TLR6: variants seen among roughly 807,000 people sequenced by gnomAD.
TLR6 encodes the protein toll-like receptor 6.
In TLR6, 9 loss-of-function variants were observed where a neutral mutation model predicts 16.1. That is an observed-to-expected ratio of 0.56 (90% CI 0.34 to 0.98). TLR6 has a LOEUF of 0.98. Ranked by LOEUF, TLR6 falls within the 50% of genes least tolerant of loss-of-function variation. The pLI, the probability that TLR6 is intolerant of heterozygous loss-of-function variation, is 0.02. For synonymous variants in TLR6, 340 were observed against 338.6 expected (o/e 1.00, Z -0.04); for missense variants, 786 against 921.0 (o/e 0.85, Z 1.90).
chr4:38,839,861 T>A (rs973727132), intron 1 of TLR6, among the ~76,000 whole-genome samples: 8 of 152,246 alleles, frequency 5.3e-5, no homozygotes, highest in African/African-American at 1.9e-4. Flanking sequence ...GAATGTTTAG[T>A]TGAGCCTGAG....
intron 1 of TLR6, among the ~76,000 whole-genome samples, chr4:38,855,969 C>G (rs968282342): frequency 4.0e-5 from 6 of 151,334 alleles, no homozygotes; most frequent in African/African-American, 1.2e-4. Context: ...GTAGACAAGA[C>G]CTATGAAAAT....
At chr4:38,845,462 A>G (rs995983759) in intron 1 of TLR6, among the ~76,000 whole-genome samples, 50 of 152,274 alleles carry the variant, frequency 3.3e-4, no homozygotes, top group Admixed American at 3.2e-3. Context: ...GGGTGGCCCC[A>G]GTATAATCAC....
chr4:38,833,852 T>C (rs1159477965), intron 1 of TLR6, among the ~76,000 whole-genome samples: 1 of 151,854 alleles, frequency 6.6e-6, no homozygotes, highest in Non-Finnish European at 1.5e-5. Flanking sequence ...GAAATAGATA[T>C]TAAAAATAGA....
At chr4:38,826,909 T>C (rs1483310040) in exon 2 of TLR6, 1 of 558,666 alleles carries the variant, frequency 1.8e-6, no homozygotes, top group African/African-American at 1.9e-5. Context: ...TGTCTCTAAC[T>C]GGCAGGCTAA....
chr4:38,828,972 G>A (rs1348160223), exon 2 of TLR6: 2 of 1,613,526 alleles, frequency 1.2e-6, no homozygotes, highest in Non-Finnish European at 1.7e-6. Flanking sequence ...AGATGCAAGT[G>A]AGCAATTGGC....
rs1579263365 is a variant in TLR6 at position 38,856,157 on chromosome 4, G to T, written c.-65+604C>A. Among the ~76,000 whole-genome samples the T allele has an allele frequency of 3.3e-5, 5 of 151,728 alleles. No homozygotes were observed. The South Asian group carries it at 1.0e-3, about 32-fold the overall frequency. On this transcript the variant is annotated intron_variant, in intron 1 of 1. Coordinates refer to ENST00000436693, the Ensembl canonical transcript of TLR6. ...GTGCCAGATTCAAGCTTGTGAAGGGGCTTGGTCCCGGCCACTTCCTCCATT... is the reference window on the plus strand; with the variant it reads ...GTGCCAGATTCAAGCTTGTGAAGGGTCTTGGTCCCGGCCACTTCCTCCATT...
At chr4:38,844,295 C>T (rs1038467216) in intron 1 of TLR6, among the ~76,000 whole-genome samples, 2 of 152,148 alleles carry the variant, frequency 1.3e-5, no homozygotes, top group African/African-American at 4.8e-5. Context: ...ATATATCGGT[C>T]AAAGTACTAG....
At chr4:38,858,819 GA>G (rs1713111432), upstream of TLR6, among the ~76,000 whole-genome samples, 1 of 108,798 alleles carries the variant, frequency 9.2e-6, no homozygotes, top group African/African-American at 4.0e-5. Context: ...GAGAGGGAGA[GA>G]GAGAGAGAGA....
exon 2 of TLR6, chr4:38,824,097 T>G (rs6852012): frequency 1.0e-4 from 11 of 106,186 alleles, no homozygotes; most frequent in Admixed American, 9.6e-4. Flanking sequence ...CGCCCCCCCC[T>G]GCCTGGGCTT....
At chr4:38,826,873 A>C (rs990541851) in exon 2 of TLR6, 4 of 447,366 alleles carry the variant, frequency 8.9e-6, no homozygotes, top group Middle Eastern at 1.2e-3. Flanking sequence ...TTTGAAACAT[A>C]ATGATTAAAC....
chr4:38,853,228 C>T (rs146190243), intron 1 of TLR6, among the ~76,000 whole-genome samples: 26,025 of 102,704 alleles, frequency 0.25, 3,304 homozygotes, highest in Non-Finnish European at 0.3. Flanking sequence ...TGGGGCCTGT[C>T]GTGGGGTGGG....
At chr4:38,837,982 G>A (rs550067788) in intron 1 of TLR6, among the ~76,000 whole-genome samples, 57 of 152,162 alleles carry the variant, frequency 3.7e-4, no homozygotes, top group African/African-American at 1.3e-3. Flanking sequence ...ATGGCCAAGA[G>A]TTATATGAAA....
chr4:38,848,769 T>C (rs1020491325), intron 1 of TLR6, among the ~76,000 whole-genome samples: 3 of 152,140 alleles, frequency 2.0e-5, no homozygotes, highest in Non-Finnish European at 4.4e-5. Context: ...CCAAGAAATA[T>C]GGGACTATGT....
chr4:38,848,158 T>C (rs1032248152), intron 1 of TLR6, among the ~76,000 whole-genome samples: 1 of 152,254 alleles, frequency 6.6e-6, no homozygotes, highest in Non-Finnish European at 1.5e-5. Flanking sequence ...CCGCTGCTGA[T>C]ACCCAGTCAA....
chr4:38,823,339 G>T (rs574146597), downstream of TLR6, among the ~76,000 whole-genome samples: 1 of 152,312 alleles, frequency 6.6e-6, no homozygotes, highest in East Asian at 1.9e-4. Context: ...CATAAGCCTA[G>T]GTGTGTAGTA....
At chr4:38,845,003 G>A (rs1479846607) in intron 1 of TLR6, among the ~76,000 whole-genome samples, 1 of 152,196 alleles carries the variant, frequency 6.6e-6, no homozygotes, top group African/African-American at 2.4e-5. Flanking sequence ...AGGTTGCAGT[G>A]AGCTAAGATT....
At chr4:38,853,918 T>C (rs959531876) in intron 1 of TLR6, among the ~76,000 whole-genome samples, 3 of 152,208 alleles carry the variant, frequency 2.0e-5, no homozygotes, top group Admixed American at 6.5e-5. Context: ...TTTCACTATA[T>C]GTGACAAAAA....
chr4:38,860,670 G>A (rs760038898), upstream of TLR6, among the ~76,000 whole-genome samples: 6 of 152,042 alleles, frequency 3.9e-5, no homozygotes, highest in African/African-American at 9.7e-5. Flanking sequence ...ACCCCAATGC[G>A]GGGAAATGAG....
intron 1 of TLR6, among the ~76,000 whole-genome samples, chr4:38,852,542 T>C (rs1209028775): frequency 6.6e-6 from 1 of 151,470 alleles, no homozygotes; most frequent in African/African-American, 2.4e-5. Flanking sequence ...AAGAAAAAAA[T>C]AAACAACCCC....
Sources: gnomAD v4.1 joint callset for allele counts (sites outside exome capture counted in the v4.1 genomes callset) on GRCh38, gnomAD v4.1.1 for gene constraint, MANE v1.5 for transcripts, NCBI Gene and HGNC (gene_info 2026-07-23, HGNC 2026-07-21) for gene names.